Variants in ZNF385D observed in about 807,000 individuals in gnomAD.
ZNF385D encodes zinc finger protein 659.
Under a neutral mutation model 35.8 loss-of-function variants are expected in ZNF385D, and 15 were observed. The observed-to-expected ratio is 0.42, with a 90% CI of 0.28 to 0.64. The LOEUF is 0.64. Ranked by LOEUF, ZNF385D falls within the 30% of genes least tolerant of loss-of-function variation. The pLI, the probability that ZNF385D is intolerant of heterozygous loss-of-function variation, is 0.23. For missense variants in ZNF385D, 474 were observed against 494.6 expected (o/e 0.96, Z 0.39); for synonymous variants, 212 against 186.8 (o/e 1.13, Z -1.10).
At chr3:22,137,234 C>A (rs1258675531) in intron 3 of ZNF385D, among the ~76,000 whole-genome samples, 3 of 152,128 alleles carry the variant, frequency 2.0e-5, no homozygotes, top group Non-Finnish European at 4.4e-5. Context: ...CCGAATTCTA[C>A]CAGAGGTACA....
intron 2 of ZNF385D, among the ~76,000 whole-genome samples, chr3:22,238,214 G>T (rs1412966014): frequency 6.6e-6 from 1 of 151,070 alleles, no homozygotes; most frequent in Non-Finnish European, 1.5e-5. Flanking sequence ...GTGGCTTGTA[G>T]TAAGTTTTGC....
At chr3:22,020,541 A>G (rs913880706) in intron 3 of ZNF385D, among the ~76,000 whole-genome samples, 4 of 151,966 alleles carry the variant, frequency 2.6e-5, no homozygotes, top group Admixed American at 1.3e-4. Context: ...TACATCACCA[A>G]TCACCAGATA....
rs561831025 is a variant in ZNF385D, at chr3:22,106,278, T to C, written c.325+62539A>G. ...GTAACAAACCTATGCCCTTAACACA[T>C]AGTATCTATTCTACACAACACTTGG... On this transcript the variant is annotated intron_variant, in intron 3 of 5. Coordinates refer to the ZNF385D transcript ENST00000494108. 5.9e-5 allele frequency among the ~76,000 whole-genome samples: 9 copies of C among 152,228 alleles called. No individual in the cohort carries two copies. In the South Asian group the frequency reaches 1.9e-3, roughly 32 times the overall value.
intron 3 of ZNF385D, among the ~76,000 whole-genome samples, chr3:21,871,997 T>C (rs897540350): frequency 1.3e-5 from 2 of 151,428 alleles, no homozygotes; most frequent in Non-Finnish European, 2.9e-5. Flanking sequence ...AAACTCTGTC[T>C]CAGAAAAAAA....
At chr3:21,543,201 C>A (rs1348114479) in intron 3 of ZNF385D, among the ~76,000 whole-genome samples, 1 of 152,132 alleles carries the variant, frequency 6.6e-6, no homozygotes, top group Non-Finnish European at 1.5e-5. Context: ...ATCTCAGCTA[C>A]ACAGGGGGCT....
At chr3:22,353,063 G>T (rs1695989701) in intron 2 of ZNF385D, among the ~76,000 whole-genome samples, 1 of 152,166 alleles carries the variant, frequency 6.6e-6, no homozygotes, top group Non-Finnish European at 1.5e-5. Context: ...GAGGAAAAAA[G>T]ATGTTGAGTT....
At chr3:22,305,810 C>A (rs1333749530) in intron 2 of ZNF385D, among the ~76,000 whole-genome samples, 1 of 152,142 alleles carries the variant, frequency 6.6e-6, no homozygotes, top group Admixed American at 6.6e-5. Flanking sequence ...ATTAACAGGG[C>A]AGTTATATTC....
chr3:21,923,127 A>C (rs112179630), intron 3 of ZNF385D, among the ~76,000 whole-genome samples: 2 of 151,930 alleles, frequency 1.3e-5, no homozygotes, highest in Admixed American at 6.5e-5. Context: ...TTGGTGTGCT[A>C]CACCCATTAA....
intron 2 of ZNF385D, among the ~76,000 whole-genome samples, chr3:22,193,771 G>A (rs1425748113): frequency 6.6e-6 from 1 of 151,872 alleles, no homozygotes; most frequent in East Asian, 1.9e-4. Context: ...TATGTTTTGG[G>A]AAATTCTAGG....
In ZNF385D at chr3:21,539,331, G is replaced by A. The variant is rs972476427; in HGVS notation, c.276+25243C>T. Among the ~76,000 whole-genome samples, 17 of 151,968 alleles carry A rather than the reference G, an allele frequency of 1.1e-4. No homozygotes were observed. The highest frequency in any genetic ancestry group is 2.2e-4 in the Non-Finnish European group (15 of 67,964). ...CCATTTTGCCCTGGTTTTGTTTCAC[G>A]GATTAAATTAAGAACCAATAATATC... On this transcript the variant is annotated intron_variant, in intron 3 of 7. Transcript: ENST00000281523. This position sits in a 1 kb window ranked among gnomAD's most constrained non-coding sequence, Gnocchi z 4.0.
At chr3:21,873,412 T>C (rs1318893802) in intron 3 of ZNF385D, among the ~76,000 whole-genome samples, 2 of 152,196 alleles carry the variant, frequency 1.3e-5, no homozygotes, top group East Asian at 1.9e-4. Flanking sequence ...GCTCTTTTCC[T>C]GTTCTCACAT....
intron 2 of ZNF385D, among the ~76,000 whole-genome samples, chr3:22,216,398 A>T (rs1697887932): frequency 6.6e-6 from 1 of 152,102 alleles, no homozygotes; most frequent in Admixed American, 6.6e-5. Flanking sequence ...AGCCCCTTTC[A>T]TTTTAATTTG....
intron 3 of ZNF385D, among the ~76,000 whole-genome samples, chr3:21,765,643 C>CAAA (rs5847134): frequency 6.7e-6 from 1 of 148,664 alleles, no homozygotes; most frequent in East Asian, 2.0e-4. Flanking sequence ...GCAACAACAA[C>CAAA]AAAAAAAAAA....
At chr3:21,913,895 G>A (rs532982141) in intron 3 of ZNF385D, among the ~76,000 whole-genome samples, 1 of 152,034 alleles carries the variant, frequency 6.6e-6, no homozygotes, top group Non-Finnish European at 1.5e-5. Flanking sequence ...AGGATTTGTT[G>A]GTTGGTTATT....
intron 3 of ZNF385D, among the ~76,000 whole-genome samples, chr3:21,546,007 G>A (rs2062357618): frequency 1.3e-5 from 2 of 151,950 alleles, no homozygotes; most frequent in South Asian, 4.1e-4. Context: ...TATTCTTGCT[G>A]TACTTTATGC....
intron 3 of ZNF385D, among the ~76,000 whole-genome samples, chr3:21,773,050 G>A (rs771828428): frequency 2.6e-5 from 4 of 151,746 alleles, no homozygotes; most frequent in Non-Finnish European, 5.9e-5. Context: ...GGAGATGGGG[G>A]AGAGAAAAAT....
intron 3 of ZNF385D, among the ~76,000 whole-genome samples, chr3:22,044,315 A>C (rs1698852822): frequency 6.6e-6 from 1 of 152,036 alleles, no homozygotes; most frequent in African/African-American, 2.4e-5. Context: ...GTATTTTAAA[A>C]CGATTTCTCT....
intron 2 of ZNF385D, among the ~76,000 whole-genome samples, chr3:22,249,947 T>C (rs986785560): frequency 6.6e-6 from 1 of 152,172 alleles, no homozygotes; most frequent in East Asian, 1.9e-4. Context: ...GGGCACCACA[T>C]ATTTTCTCAG....
In ZNF385D at chr3:21,418,743, T is replaced by C. The variant is rs1700616608; in HGVS notation, c.*2471A>G. ...CAAAAGCACGTTTTAGTGAGACTGC[T>C]TTAATTAACACTAAGTTATCTAACA... On this transcript the variant is annotated 3_prime_UTR_variant, in exon 8 of 8. Transcript: ENST00000281523. The C allele has an allele frequency of 6.6e-6, 1 of 152,210 alleles. No homozygotes were observed. Among genetic ancestry groups the C allele is most frequent in the African/African-American group, 2.4e-5 (1 of 41,460 alleles). The allele number at this position is 152,210 out of a possible 1,614,324, so 9.4% of individuals were successfully genotyped here. A position where few individuals can be genotyped will look rare whatever the true frequency, so the allele number is the denominator to read the frequency against.
Sources: gnomAD v4.1 joint callset for allele counts (sites outside exome capture counted in the v4.1 genomes callset) on GRCh38, gnomAD v4.1.1 for gene constraint, Gnocchi (gnomAD v3.1) non-coding constraint, MANE v1.5 for transcripts, NCBI Gene and HGNC (gene_info 2026-07-23, HGNC 2026-07-21) for gene names.